Variants in R3HCC1L observed in about 807,000 individuals in gnomAD.
R3HCC1L encodes coiled-coil domain-containing protein R3HCC1L.
A neutral mutation model predicts 59.9 loss-of-function variants in R3HCC1L; 51 were observed. That is an observed-to-expected ratio of 0.85 (90% CI 0.68 to 1.07). The LOEUF (loss-of-function observed/expected upper bound fraction) is 1.07. Among genes scored for constraint, R3HCC1L ranks in the 50% least tolerant of loss-of-function variants. The probability of loss-of-function intolerance (pLI) is 0.00; values close to 1 mark genes in which losing one functional copy is unlikely to be tolerated. For synonymous variants in R3HCC1L, 322 were observed against 315.2 expected, an observed-to-expected ratio of 1.02 and a Z score of -0.23; for missense variants, 965 against 933.0, an observed-to-expected ratio of 1.03 and a Z score of -0.45.
intron 5 of R3HCC1L, among the ~76,000 whole-genome samples, chr10:98,224,688 G>A (rs1467381804): frequency 1.3e-5 from 2 of 152,158 alleles, no homozygotes; most frequent in African/African-American, 4.8e-5. Flanking sequence ...ACTCAAAATT[G>A]TTTTCTCTGA....
chr10:98,162,794 C>G (rs1442004994), intron 2 of R3HCC1L, 89 bp from the exon 3 acceptor site: 2 of 152,244 alleles, frequency 1.3e-5, no homozygotes, highest in Admixed American at 1.3e-4. Flanking sequence ...ACCTGCTGGG[C>G]TCAAGCAATG....
intron 1 of R3HCC1L, among the ~76,000 whole-genome samples, chr10:98,136,910 T>C (rs1221626424): frequency 6.6e-6 from 1 of 152,160 alleles, no homozygotes; most frequent in African/African-American, 2.4e-5. Flanking sequence ...TTTCCACTGG[T>C]GGTGTCAAAA....
chr10:98,193,665 A>G (rs1045430099), intron 4 of R3HCC1L, among the ~76,000 whole-genome samples: 6 of 152,154 alleles, frequency 3.9e-5, no homozygotes, highest in African/African-American at 9.6e-5. Flanking sequence ...AAGCCAGACA[A>G]ATACTACTGG....
At chr10:98,230,227 G>A (rs1856207527) in intron 5 of R3HCC1L, among the ~76,000 whole-genome samples, 2 of 152,190 alleles carry the variant, frequency 1.3e-5, no homozygotes, top group South Asian at 2.1e-4. Flanking sequence ...TTTTTTGGTT[G>A]GTAAGCTATT....
At position 98,139,663 on chromosome 10, in the gene R3HCC1L, T is replaced by C. The variant is rs188020629; in HGVS notation, c.-268+4957T>C. Among the ~76,000 whole-genome samples the C allele has an allele frequency of 1.8e-3, 279 of 152,242 alleles. 2 individuals carry two copies. Among genetic ancestry groups the C allele is most frequent in the African/African-American group, 5.4e-3 (223 of 41,508 alleles). On this transcript the variant is annotated intron_variant, in intron 1 of 9. Transcript: ENST00000298999. ...AAAGCATTAGATAGAGGAAAAGTTA[T>C]AGGGTGTTACTTAGCAGCAGTAAGC...
chr10:98,182,722 T>C (rs1011580664), intron 4 of R3HCC1L, among the ~76,000 whole-genome samples: 21 of 152,160 alleles, frequency 1.4e-4, no homozygotes, highest in Non-Finnish European at 2.6e-4. Flanking sequence ...CCGCTTTGTT[T>C]ACCTCCTCAA....
rs564916216 is a variant in R3HCC1L at position 98,208,680 on chromosome 10, G to A, written c.566G>A (p.Ser189Asn). The change falls in exon 5 of 10, where the codon AGT becomes AAT. Residue 189 changes from serine (S) to asparagine (N), a missense_variant. Physicochemically the swap from Ser to Asn is conservative, Grantham distance 46. Coordinates refer to ENST00000298999, the MANE Select transcript of R3HCC1L (RefSeq NM_001351015.2). The part of the protein sequence containing the change: ...PFQNVEFCDF[S>N]RHEPDGEAFE... ...CAAAATGTGGAATTCTGTGACTTCA[G>A]TAGGCATGAACCTGATGGGGAAGCA... 4.3e-6 allele frequency: 7 copies of A among 1,614,146 alleles called. No individual in the cohort carries two copies. Among genetic ancestry groups the A allele is most frequent in the Non-Finnish European group, 5.1e-6 (6 of 1,180,026 alleles).
chr10:98,187,509 AT>A (rs571290746), intron 4 of R3HCC1L, among the ~76,000 whole-genome samples: 19 of 152,146 alleles, frequency 1.2e-4, no homozygotes, highest in South Asian at 1.0e-3. Context: ...CAGAGTATCA[AT>A]TCTTTGATGG....
chr10:98,222,220 C>T (rs1347896158), intron 5 of R3HCC1L, among the ~76,000 whole-genome samples: 1 of 152,086 alleles, frequency 6.6e-6, no homozygotes, highest in Non-Finnish European at 1.5e-5. Flanking sequence ...GATTTTTGTA[C>T]ATTGATTTTG....
rs190620071 is a variant in R3HCC1L, at chr10:98,182,714, G to T, written c.-15+19317G>T. ...TCTACCCAGTTTGAACTTCCCGGCC[G>T]CTTTGTTTACCTCCTCAAGCCTCGG... On this transcript the variant is annotated intron_variant, in intron 4 of 9. Transcript: ENST00000298999. 8.5e-4 allele frequency among the ~76,000 whole-genome samples: 130 copies of T among 152,256 alleles called. No homozygotes were observed. The Middle Eastern group carries it at 0.017, about 20-fold the overall frequency.
chr10:98,207,615 A>G (rs1183488778), intron 4 of R3HCC1L, among the ~76,000 whole-genome samples: 1 of 152,180 alleles, frequency 6.6e-6, no homozygotes, highest in Non-Finnish European at 1.5e-5. Flanking sequence ...TTCTCTGATA[A>G]GTCATTTCAT....
chr10:98,187,514 TTGA>T (rs1850339044), intron 4 of R3HCC1L, among the ~76,000 whole-genome samples: 2 of 152,136 alleles, frequency 1.3e-5, no homozygotes, highest in Admixed American at 6.6e-5. Context: ...TATCAATTCT[TTGA>T]TGGTGGCAGG....
At chr10:98,138,807 G>T (rs1844840186) in intron 1 of R3HCC1L, among the ~76,000 whole-genome samples, 1 of 152,036 alleles carries the variant, frequency 6.6e-6, no homozygotes, top group South Asian at 2.1e-4. Context: ...TGTAACTTTG[G>T]TTCATATGAT....
intron 4 of R3HCC1L, among the ~76,000 whole-genome samples, chr10:98,198,846 T>C (rs943555206): frequency 3.9e-5 from 6 of 152,100 alleles, no homozygotes; most frequent in African/African-American, 1.4e-4. Flanking sequence ...TATGGCAAGA[T>C]CTTAGACCAG....
intron 9 of R3HCC1L, among the ~76,000 whole-genome samples, chr10:98,238,207 G>A (rs1175646038): frequency 1.3e-5 from 2 of 152,120 alleles, no homozygotes; most frequent in Non-Finnish European, 2.9e-5. Context: ...GCATATTTTT[G>A]TCATTACTCT....
At chr10:98,218,283 T>G (rs910993377) in intron 5 of R3HCC1L, among the ~76,000 whole-genome samples, 4 of 152,152 alleles carry the variant, frequency 2.6e-5, no homozygotes, top group African/African-American at 9.7e-5. Flanking sequence ...GTTTTGACCT[T>G]CATTCTGTTG....
At chr10:98,221,562 G>A (rs1323814288) in intron 5 of R3HCC1L, among the ~76,000 whole-genome samples, 2 of 151,552 alleles carry the variant, frequency 1.3e-5, no homozygotes, top group African/African-American at 4.9e-5. Flanking sequence ...TGTATAAGGT[G>A]TAAGGAAGGG....
intron 5 of R3HCC1L, among the ~76,000 whole-genome samples, chr10:98,214,490 C>T (rs1266736884): frequency 6.6e-6 from 1 of 152,154 alleles, no homozygotes; most frequent in Non-Finnish European, 1.5e-5. Flanking sequence ...ACCTCACCTA[C>T]ATAATTGAGA....
intron 2 of R3HCC1L, among the ~76,000 whole-genome samples, chr10:98,157,967 T>A (rs1336979546): frequency 6.6e-6 from 1 of 152,242 alleles, no homozygotes; most frequent in East Asian, 1.9e-4. Context: ...AGGGCACTGC[T>A]ACAGAAAAGG....
Sources: allele counts gnomAD v4.1 joint callset (sites outside exome capture counted in the v4.1 genomes callset), GRCh38; gene constraint gnomAD v4.1.1; transcripts MANE v1.5; gene names NCBI Gene and HGNC (gene_info 2026-07-23, HGNC 2026-07-21).